ANO10: variants seen among roughly 807,000 people sequenced by gnomAD.
The protein encoded by ANO10 is anoctamin 10, also known as anoctamin-10.
ANO10 carries 77 observed loss-of-function variants against 74.7 expected under a neutral mutation model. The ratio of observed to expected loss-of-function variants is 1.03; its 90% CI spans 0.86 to 1.25. ANO10 has a LOEUF of 1.25. Ranked by LOEUF, ANO10 falls within the 50% of genes most tolerant of loss-of-function variation. The pLI is 0.00. For synonymous variants in ANO10, 279 were observed against 284.9 expected (o/e 0.98, Z 0.21); for missense variants, 721 against 778.1 (o/e 0.93, Z 0.87).
chr3:43,529,152 T>A (rs1315564248), intron 11 of ANO10, among the ~76,000 whole-genome samples: 1 of 152,154 alleles, frequency 6.6e-6, no homozygotes, highest in Non-Finnish European at 1.5e-5. Flanking sequence ...AATGACCAAG[T>A]CACTTGCTAA....
At chr3:43,406,000 G>A (rs1377064469) in intron 12 of ANO10, among the ~76,000 whole-genome samples, 2 of 152,146 alleles carry the variant, frequency 1.3e-5, no homozygotes, top group Non-Finnish European at 2.9e-5. Context: ...AAAGTATACT[G>A]TGAAAAGGAA....
chr3:43,688,330 AACAG>A (rs1338702721), intron 1 of ANO10, among the ~76,000 whole-genome samples: 1 of 152,078 alleles, frequency 6.6e-6, no homozygotes, highest in Non-Finnish European at 1.5e-5. Flanking sequence ...TAGGGTCTTC[AACAG>A]ACACTCTGAG....
chr3:43,478,246 G>A (rs2076147793), intron 11 of ANO10, among the ~76,000 whole-genome samples: 1 of 152,170 alleles, frequency 6.6e-6, no homozygotes, highest in Admixed American at 6.6e-5. Flanking sequence ...GCCTTAAAAT[G>A]TCCTTGTCAA....
chr3:43,682,730 C>A (rs1376030585), intron 1 of ANO10, among the ~76,000 whole-genome samples: 1 of 152,196 alleles, frequency 6.6e-6, no homozygotes, highest in East Asian at 1.9e-4. Context: ...AGCTTATCCA[C>A]CATGATCAAG....
intron 1 of ANO10, among the ~76,000 whole-genome samples, chr3:43,643,834 C>T (rs2083698418): frequency 6.6e-6 from 1 of 151,712 alleles, no homozygotes; most frequent in African/African-American, 2.4e-5. Flanking sequence ...CAGGCACCCG[C>T]CACCACGCCC....
chr3:43,625,954 T>A (rs114486110), upstream of ANO10, among the ~76,000 whole-genome samples: 3,565 of 151,882 alleles, frequency 0.023, 50 homozygotes, highest in Middle Eastern at 0.054. Flanking sequence ...TTTTTTTTTT[T>A]AACGGGTCTA....
intron 12 of ANO10, among the ~76,000 whole-genome samples, chr3:43,423,275 C>A (rs191150601): frequency 6.6e-6 from 1 of 151,942 alleles, no homozygotes; most frequent in South Asian, 2.1e-4. Flanking sequence ...TTTTAAGACT[C>A]TTTTTTTTGT....
chr3:43,474,462 A>C (rs1365758010), intron 11 of ANO10, among the ~76,000 whole-genome samples: 1 of 152,200 alleles, frequency 6.6e-6, no homozygotes, highest in East Asian at 1.9e-4. Context: ...CCTTGATTAC[A>C]TTTTTGACTT....
chr3:43,377,015 A>T (rs541971379), intron 12 of ANO10, among the ~76,000 whole-genome samples: 36 of 152,364 alleles, frequency 2.4e-4, no homozygotes, highest in South Asian at 1.4e-3. Flanking sequence ...GACCAAGAGC[A>T]TCTGGTCTGG....
At chr3:43,661,361 A>G (rs919577349) in intron 1 of ANO10, among the ~76,000 whole-genome samples, 1 of 152,224 alleles carries the variant, frequency 6.6e-6, no homozygotes, top group Admixed American at 6.5e-5. Context: ...ATGCTGAAAG[A>G]TTTTGTCATC....
chr3:43,522,659 G>C (rs1248856978), intron 11 of ANO10, among the ~76,000 whole-genome samples: 1 of 152,152 alleles, frequency 6.6e-6, no homozygotes, highest in Non-Finnish European at 1.5e-5. Context: ...ACCAATTCTG[G>C]TGTATCTGGG....
intron 12 of ANO10, among the ~76,000 whole-genome samples, chr3:43,379,897 C>A (rs1383112721): frequency 1.3e-5 from 2 of 151,926 alleles, no homozygotes; most frequent in South Asian, 4.2e-4. Flanking sequence ...CAAGGAGGCA[C>A]CAGAGAAAGG....
At chr3:43,651,435 T>C (rs1039771251) in intron 1 of ANO10, among the ~76,000 whole-genome samples, 1 of 152,178 alleles carries the variant, frequency 6.6e-6, no homozygotes, top group Non-Finnish European at 1.5e-5. Flanking sequence ...TACACAGTAT[T>C]GAAAGGGATG....
intron 7 of ANO10, among the ~76,000 whole-genome samples, chr3:43,573,341 A>G (rs2080834934): frequency 2.0e-5 from 3 of 152,126 alleles, no homozygotes; most frequent in Admixed American, 6.5e-5. Flanking sequence ...CTCTTATGAC[A>G]GCTTTTCATT....
intron 12 of ANO10, 120 bp downstream of exon 12, chr3:43,432,491 C>G: frequency 1.2e-6 from 1 of 851,652 alleles, no homozygotes. Context: ...CTGGAGTCCT[C>G]TGTATTCATT....
chr3:43,488,568 A>G lies in ANO10; in HGVS notation c.1798-55841T>C, dbSNP rs1203674661. Among the ~76,000 whole-genome samples the G allele has an allele frequency of 4.7e-3, 715 of 152,270 alleles. 5 individuals carry two copies. The highest frequency in any genetic ancestry group is 0.017 in the African/African-American group (688 of 41,544). On this transcript the variant is annotated intron_variant, in intron 11 of 12. Coordinates refer to ENST00000292246, the MANE Select transcript of ANO10 (RefSeq NM_018075.5). ...TATGCAGCCAAAAGACACATGAAAA[A>G]ATGCTCATCATCACTGGCCATCAGA...
At chr3:43,379,306 G>T (rs1422117526) in intron 12 of ANO10, among the ~76,000 whole-genome samples, 1 of 152,194 alleles carries the variant, frequency 6.6e-6, no homozygotes, top group Non-Finnish European at 1.5e-5. Context: ...TAAAGCATAT[G>T]TTTTTTATTA....
chr3:43,528,988 A>C (rs994707336), intron 11 of ANO10, among the ~76,000 whole-genome samples: 2 of 152,124 alleles, frequency 1.3e-5, no homozygotes, highest in Non-Finnish European at 1.5e-5. Flanking sequence ...AAACAAAAAA[A>C]CCCTGTAATT....
intron 11 of ANO10, among the ~76,000 whole-genome samples, chr3:43,515,293 G>C (rs1461439972): frequency 1.3e-5 from 2 of 152,162 alleles, no homozygotes; most frequent in African/African-American, 2.4e-5. Flanking sequence ...CCCTCAATGT[G>C]GGTGAGCCTC....
Sources: allele counts gnomAD v4.1 joint callset (sites outside exome capture counted in the v4.1 genomes callset), GRCh38; gene constraint gnomAD v4.1.1; transcripts MANE v1.5; gene names NCBI Gene and HGNC (gene_info 2026-07-23, HGNC 2026-07-21).